Variants in EGFR observed in about 807,000 individuals in gnomAD.
EGFR encodes epidermal growth factor receptor.
In EGFR, 58 loss-of-function variants were observed where a neutral mutation model predicts 143.0. The observed-to-expected ratio is 0.41, with a 90% CI of 0.33 to 0.50. EGFR has a LOEUF of 0.50. Ranked by LOEUF, EGFR falls within the 20% of genes least tolerant of loss-of-function variation. EGFR has a pLI of 0.39. For missense variants in EGFR, 1,307 were observed against 1,579.0 expected, an observed-to-expected ratio of 0.83 and a Z score of 2.92; for synonymous variants, 613 against 594.4, an observed-to-expected ratio of 1.03 and a Z score of -0.45.
chr7:55,157,056 C>G (rs550206798), intron 10 of EGFR: 34 of 1,156,518 alleles, frequency 2.9e-5, no homozygotes, highest in African/African-American at 4.7e-5. Context: ...AACACGCTTT[C>G]TCCCTCCCGC....
rs2128958867 is a variant in EGFR at position 55,181,464 on chromosome 7, G to A, written c.2455G>A (p.Val819Met). The change falls in exon 20 of 28, where the codon GTG becomes ATG. Residue 819 changes from valine to methionine, a missense_variant. Physicochemically the swap from Val to Met is conservative, Grantham distance 21. Coordinates refer to ENST00000275493, the MANE Select transcript of EGFR (RefSeq NM_005228.5). The part of the protein sequence containing the change: ...IGSQYLLNWC[V>M]QIAKGMNYLE... ...CTCCCAGTACCTGCTCAACTGGTGT[G>A]TGCAGATCGCAAAGGTAATCAGGGA... is the stretch of plus-strand genomic sequence containing the variant. 1 of 1,614,246 alleles carries A rather than the reference G, an allele frequency of 6.2e-7. No homozygotes were observed. The highest frequency in any genetic ancestry group is 1.1e-5 in the South Asian group (1 of 91,084).
chr7:55,160,808 G>A (rs566651560), intron 12 of EGFR, among the ~76,000 whole-genome samples: 1 of 152,378 alleles, frequency 6.6e-6, no homozygotes, highest in Non-Finnish European at 1.5e-5. Flanking sequence ...TTTGAGTCAA[G>A]TGCTGGTCTG....
intron 12 of EGFR, 83 bp from the exon 13 acceptor site, chr7:55,161,416 C>G: frequency 6.6e-7 from 1 of 1,524,942 alleles, no homozygotes; most frequent in Non-Finnish European, 8.8e-7. Flanking sequence ...AGCACAGGGC[C>G]CCTCCCGGGA....
At chr7:55,175,673 A>G (rs1224174101) in intron 19 of EGFR, among the ~76,000 whole-genome samples, 2 of 152,214 alleles carry the variant, frequency 1.3e-5, no homozygotes, top group African/African-American at 4.8e-5. Context: ...CTGACTTATT[A>G]CCTCAAAACT....
intron 3 of EGFR, among the ~76,000 whole-genome samples, chr7:55,143,995 A>C (rs1331371727): frequency 6.6e-6 from 1 of 152,222 alleles, no homozygotes; most frequent in Non-Finnish European, 1.5e-5. Context: ...AGGACTCGTG[A>C]GGTTCCTGTG....
intron 1 of EGFR, among the ~76,000 whole-genome samples, chr7:55,086,388 G>C (rs954886047): frequency 6.6e-6 from 1 of 152,232 alleles, no homozygotes; most frequent in East Asian, 1.9e-4. Flanking sequence ...GCCCTGGAAA[G>C]ACATATCACT....
At chr7:55,160,993 G>A (rs572634162) in intron 12 of EGFR, among the ~76,000 whole-genome samples, 1 of 152,292 alleles carries the variant, frequency 6.6e-6, no homozygotes, top group South Asian at 2.1e-4. Flanking sequence ...ACAGCCAATG[G>A]CCCAATGGCT....
chr7:55,038,606 C>T (rs930411121), intron 1 of EGFR, among the ~76,000 whole-genome samples: 1 of 152,160 alleles, frequency 6.6e-6, no homozygotes, highest in Non-Finnish European at 1.5e-5. Context: ...AATGTATCCA[C>T]TTGGAAAAGA....
rs17290117 is a variant in EGFR, at chr7:55,163,891, T to C, written c.1722+68T>C. 2,495 of 1,558,662 alleles carry C rather than the reference T, an allele frequency of 1.6e-3. 48 individuals are homozygous for C. The African/African-American group carries it at 0.029, about 18-fold the overall frequency. ...GGCCTTCACAGAAGCCGAACAGTGA[T>C]GATGGCCCAGGGCATCCTGTGTGGG... is the stretch of plus-strand genomic sequence containing the variant. On this transcript the variant is annotated intron_variant, in intron 14 of 27. Coordinates refer to ENST00000275493, the MANE Select transcript of EGFR (RefSeq NM_005228.5).
rs199698224 is a variant in EGFR, at chr7:55,101,055, G to A, written c.89-41231G>A. Among the ~76,000 whole-genome samples, 41 of 152,254 alleles carry A rather than the reference G, an allele frequency of 2.7e-4. 1 individual carries two copies. The East Asian group carries it at 6.0e-3, about 22-fold the overall frequency. On this transcript the variant is annotated intron_variant, in intron 1 of 27. Coordinates refer to ENST00000275493, the MANE Select transcript of EGFR (RefSeq NM_005228.5). ...GCAGACAGCTGATTCTTCTCCTCCC[G>A]CGGCTGAGCAGCCTCCTCCGAGCAA... is the stretch of plus-strand genomic sequence containing the variant.
chr7:55,205,120 A>C, intron 27 of EGFR, 136 bp from the exon 28 acceptor site: 1 of 1,327,258 alleles, frequency 7.5e-7, no homozygotes, highest in Non-Finnish European at 1.0e-6. Context: ...AGCAACAGCA[A>C]GAGGGCCCTC....
At chr7:55,060,991 G>A (rs1423184751) in intron 1 of EGFR, among the ~76,000 whole-genome samples, 2 of 152,200 alleles carry the variant, frequency 1.3e-5, no homozygotes, top group Admixed American at 6.5e-5. Context: ...TGAAAGTGAC[G>A]CCACAGAAGG....
intron 1 of EGFR, among the ~76,000 whole-genome samples, chr7:55,125,385 T>C (rs1247361468): frequency 6.6e-6 from 1 of 150,832 alleles, no homozygotes; most frequent in Admixed American, 6.7e-5. Flanking sequence ...AGTTACAAGC[T>C]ATTATGGCTA....
At chr7:55,048,403 T>C (rs556532070) in intron 1 of EGFR, among the ~76,000 whole-genome samples, 5 of 152,336 alleles carry the variant, frequency 3.3e-5, no homozygotes, top group African/African-American at 4.8e-5. Context: ...GAATGCCCCA[T>C]GGCCTCTGGG....
chr7:55,134,652 G>T (rs1023454866), intron 1 of EGFR, among the ~76,000 whole-genome samples: 2 of 152,182 alleles, frequency 1.3e-5, no homozygotes, highest in African/African-American at 4.8e-5. Flanking sequence ...CCAATAACAG[G>T]TCAAATTCAT....
intron 19 of EGFR, among the ~76,000 whole-genome samples, chr7:55,177,266 A>C (rs1786641296): frequency 6.6e-6 from 1 of 152,158 alleles, no homozygotes; most frequent in Non-Finnish European, 1.5e-5. Flanking sequence ...GGGAAGCTGG[A>C]GGAGGCACTT....
At chr7:55,082,493 A>G (rs1486198780) in intron 1 of EGFR, among the ~76,000 whole-genome samples, 3 of 152,152 alleles carry the variant, frequency 2.0e-5, no homozygotes, top group South Asian at 2.1e-4. Context: ...TAAAAAGGAG[A>G]TTGCCTAGAC....
rs1558544 is a variant in EGFR at position 55,160,360 on chromosome 7, A to T, written c.1498+22A>T. The T allele has an allele frequency of 0.74, 1,186,866 of 1,609,412 alleles. 442,770 individuals carry two copies. Among genetic ancestry groups the T allele is most frequent in the East Asian group, 1 (44,731 of 44,860 alleles). On this transcript the variant is annotated intron_variant, in intron 12 of 27. Transcript: ENST00000275493. The stretch of plus-strand genomic sequence containing the variant: ...TGCAGTAAGTCACCGCTTTCTGTTT[A>T]GTTTATGGAGTTGGTTCTAATGGGT...
chr7:55,064,144 ATT>A (rs1157383510), intron 1 of EGFR, among the ~76,000 whole-genome samples: 9 of 152,356 alleles, frequency 5.9e-5, no homozygotes, highest in Middle Eastern at 3.4e-3. Flanking sequence ...TGATACTAGA[ATT>A]TTAATTAAAA....
Sources: gnomAD v4.1 joint callset for allele counts (sites outside exome capture counted in the v4.1 genomes callset) on GRCh38, gnomAD v4.1.1 for gene constraint, MANE v1.5 for transcripts, NCBI Gene and HGNC (gene_info 2026-07-23, HGNC 2026-07-21) for gene names.